NDRG4: variants seen among roughly 807,000 people sequenced by gnomAD.
NDRG4 encodes the protein protein NDRG4.
A neutral mutation model predicts 55.8 loss-of-function variants in NDRG4; 38 were observed. The observed-to-expected ratio is 0.68, with a 90% CI of 0.53 to 0.89. NDRG4 has a LOEUF of 0.89. NDRG4 is among the 40% of genes least tolerant of loss of function. The probability of loss-of-function intolerance (pLI) is 0.00; values close to 1 mark genes in which losing one functional copy is unlikely to be tolerated. For synonymous variants in NDRG4, 190 were observed against 182.7 expected (o/e 1.04, Z -0.32); for missense variants, 455 against 468.6 (o/e 0.97, Z 0.27).
In NDRG4 at chr16:58,512,331, G is replaced by A; in HGVS notation, c.*755G>A. The A allele has an allele frequency of 3.0e-6, 1 of 333,466 alleles. No individual in the cohort carries two copies. The allele number at this position is 333,466 out of a possible 1,614,324, so 20.7% of individuals were successfully genotyped here. Reference sequence around the variant, plus strand: ...TGGTCCTCTGTCCCCACAGTGACCTGACTGGGGGTGAGGGAGAAGGAGGAG... The same window carrying A: ...TGGTCCTCTGTCCCCACAGTGACCTAACTGGGGGTGAGGGAGAAGGAGGAG... On this transcript the variant is annotated 3_prime_UTR_variant, in exon 15 of 15. Transcript: ENST00000570248.
At chr16:58,503,942 C>A in intron 2 of NDRG4, 39 bp downstream of exon 2, 1 of 1,606,610 alleles carries the variant, frequency 6.2e-7, no homozygotes. Context: ...TCCTCTGCCT[C>A]CCATCAGCCA....
At chr16:58,483,870 G>A (rs1171816217) in intron 1 of NDRG4, among the ~76,000 whole-genome samples, 1 of 152,124 alleles carries the variant, frequency 6.6e-6, no homozygotes, top group Non-Finnish European at 1.5e-5. Context: ...TTTGCGACCA[G>A]CCTGGCCAAC....
intron 1 of NDRG4, among the ~76,000 whole-genome samples, chr16:58,468,128 C>T (rs191341052): frequency 4.6e-5 from 7 of 152,346 alleles, no homozygotes; most frequent in African/African-American, 1.4e-4. Flanking sequence ...TGCCCCCTCA[C>T]ATGTGGGACT....
intron 2 of NDRG4, among the ~76,000 whole-genome samples, chr16:58,493,023 T>C (rs941537360): frequency 6.6e-6 from 1 of 152,184 alleles, no homozygotes; most frequent in Non-Finnish European, 1.5e-5. Context: ...GGCTTTCCCC[T>C]TTGGGCATGG....
intron 1 of NDRG4, chr16:58,501,714 T>A (rs961057132): frequency 7.1e-6 from 2 of 282,050 alleles, no homozygotes; most frequent in African/African-American, 4.4e-5. Context: ...CCCCAGCCCT[T>A]CCCATCCTGG....
At chr16:58,505,667 G>A (rs1179232605) in intron 5 of NDRG4, among the ~76,000 whole-genome samples, 1 of 141,296 alleles carries the variant, frequency 7.1e-6, no homozygotes, top group Non-Finnish European at 1.5e-5. Flanking sequence ...AACAGACTTT[G>A]AAAAGGTTGT....
intron 1 of NDRG4, among the ~76,000 whole-genome samples, chr16:58,482,255 G>A (rs1424941958): frequency 6.6e-6 from 1 of 152,146 alleles, no homozygotes; most frequent in Non-Finnish European, 1.5e-5. Flanking sequence ...AGGCAGTGTG[G>A]ACCGGACCTT....
At chr16:58,465,236 G>T (rs1233698557) in intron 1 of NDRG4, 1 of 635,894 alleles carries the variant, frequency 1.6e-6, no homozygotes, top group Non-Finnish European at 2.5e-6. Context: ...ACAGATTCCA[G>T]TAAGTGTCCT....
chr16:58,472,198 C>T (rs1409857410), intron 1 of NDRG4: 1 of 152,196 alleles, frequency 6.6e-6, no homozygotes, highest in East Asian at 1.9e-4. Flanking sequence ...AAGCCCTTAC[C>T]AGCTGCAGAG....
In NDRG4 at chr16:58,464,060, C is replaced by A. The variant is rs905810061; in HGVS notation, c.-24+263C>A. On this transcript the variant is annotated intron_variant, in intron 1 of 15. Coordinates refer to the NDRG4 transcript ENST00000258187. This position sits in a 1 kb window ranked among gnomAD's most constrained non-coding sequence, Gnocchi z 4.8. ...GGACCCCCAGCCGCCGTCCGCGACC[C>A]CCCACCGCGACGCCCGGAGGCGGCG... 9.5e-6 allele frequency: 2 copies of A among 211,486 alleles called. No individual in the cohort carries two copies. Among genetic ancestry groups the A allele is most frequent in the African/African-American group, 4.6e-5 (2 of 43,588 alleles). The allele number at this position is 211,486 out of a possible 1,614,324, so 13.1% of individuals were successfully genotyped here. A position where few individuals can be genotyped will look rare whatever the true frequency, so the allele number is the denominator to read the frequency against.
intron 1 of NDRG4, chr16:58,501,374 G>C: frequency 3.3e-6 from 1 of 300,600 alleles, no homozygotes; most frequent in Non-Finnish European, 6.1e-6. Context: ...CGGACCGACC[G>C]AGAGGAGCCG....
chr16:58,468,457 AC>A lies in NDRG4; in HGVS notation c.-24+4661del, dbSNP rs2032137701. On this transcript the variant is annotated intron_variant, in intron 1 of 15. Coordinates refer to the NDRG4 transcript ENST00000258187. ...AGTGTTAGGCCAGAGCAGTTGTCTCACGCCTGTAATCCCAGTACTTTGGGAG... is the reference window on the plus strand; with the variant it reads ...AGTGTTAGGCCAGAGCAGTTGTCTCAGCCTGTAATCCCAGTACTTTGGGAG... Among the ~76,000 whole-genome samples the A allele has an allele frequency of 3.9e-5, 6 of 152,298 alleles. No individual in the cohort carries two copies. In the South Asian group the frequency reaches 1.2e-3, roughly 32 times the overall value.
At chr16:58,487,665 C>G (rs951510232) in intron 1 of NDRG4, 125 of 1,058,212 alleles carry the variant, frequency 1.2e-4, no homozygotes, top group Non-Finnish European at 1.6e-4. Flanking sequence ...CATCTGGTTT[C>G]CGCGCTCCCG....
At chr16:58,475,147 A>C (rs952845061) in intron 1 of NDRG4, among the ~76,000 whole-genome samples, 1 of 152,252 alleles carries the variant, frequency 6.6e-6, no homozygotes, top group Non-Finnish European at 1.5e-5. Context: ...TCTTGCACAA[A>C]GATCCAGGAT....
intron 1 of NDRG4, chr16:58,500,559 A>C: frequency 1.8e-6 from 1 of 554,874 alleles, no homozygotes; most frequent in Non-Finnish European, 3.2e-6. Context: ...CGTGGAAGGC[A>C]CTGTCTGACT....
intron 1 of NDRG4, among the ~76,000 whole-genome samples, chr16:58,473,785 C>T (rs1405116215): frequency 6.6e-6 from 1 of 152,126 alleles, no homozygotes; most frequent in Non-Finnish European, 1.5e-5. Context: ...CACCCTAACC[C>T]CCAGCTCTGT....
rs989981908 is a variant in NDRG4 at position 58,465,540 on chromosome 16, G to C, written c.-24+1743G>C. Among the ~76,000 whole-genome samples the C allele has an allele frequency of 3.4e-5, 5 of 146,080 alleles. No homozygotes were observed. In the East Asian group the frequency reaches 6.3e-4, roughly 18 times the overall value. Reference sequence around the variant, plus strand: ...GGAGGCTGAATGGCCTGGAATGTGCGTGTGTGTTGCGGGGGAGGGGGCTAG... The same window carrying C: ...GGAGGCTGAATGGCCTGGAATGTGCCTGTGTGTTGCGGGGGAGGGGGCTAG... On this transcript the variant is annotated intron_variant, in intron 1 of 15. Coordinates refer to the NDRG4 transcript ENST00000258187.
chr16:58,505,848 A>C, intron 5 of NDRG4: 1 of 199,564 alleles, frequency 5.0e-6, no homozygotes, highest in South Asian at 7.4e-5. Flanking sequence ...CAGCCTCCTA[A>C]GTAGCTGAGA....
intron 1 of NDRG4, among the ~76,000 whole-genome samples, chr16:58,484,246 G>T (rs1005121765): frequency 8.6e-5 from 13 of 151,898 alleles, no homozygotes; most frequent in Non-Finnish European, 1.9e-4. Flanking sequence ...GGTGGCAGGT[G>T]CCTGTAATCC....
Sources: gnomAD v4.1 joint callset for allele counts (sites outside exome capture counted in the v4.1 genomes callset) on GRCh38, gnomAD v4.1.1 for gene constraint, Gnocchi (gnomAD v3.1) non-coding constraint, MANE v1.5 for transcripts, NCBI Gene and HGNC (gene_info 2026-07-23, HGNC 2026-07-21) for gene names.